The following IGSF21 variants were observed in gnomAD, a reference collection of about 807,000 sequenced individuals.
The protein encoded by IGSF21 is immunoglobulin superfamily member 21.
In IGSF21, 28 loss-of-function variants were observed where a neutral mutation model predicts 46.8. The ratio of observed to expected loss-of-function variants is 0.60; its 90% CI spans 0.44 to 0.82. IGSF21 has a LOEUF of 0.82. IGSF21 is among the 40% of genes least tolerant of loss of function. The pLI is 0.00. For missense variants in IGSF21, 624 were observed against 665.5 expected, an observed-to-expected ratio of 0.94 and a Z score of 0.69; for synonymous variants, 284 against 273.6, an observed-to-expected ratio of 1.04 and a Z score of -0.38.
intron 3 of IGSF21, among the ~76,000 whole-genome samples, chr1:18,304,730 T>TACACACAC (rs59328124): frequency 3.1e-5 from 4 of 128,384 alleles, no homozygotes; most frequent in Admixed American, 1.5e-4. Context: ...CACACACACA[T>TACACACAC]ACACACACAC....
At chr1:18,324,407 G>A (rs903822907) in intron 3 of IGSF21, among the ~76,000 whole-genome samples, 3 of 152,232 alleles carry the variant, frequency 2.0e-5, no homozygotes, top group Non-Finnish European at 2.9e-5. Context: ...CATAGGCTTT[G>A]TAACAAGATG....
At chr1:18,296,493 G>GA (rs1289567023) in intron 3 of IGSF21, among the ~76,000 whole-genome samples, 1 of 152,148 alleles carries the variant, frequency 6.6e-6, no homozygotes, top group Admixed American at 6.6e-5. Context: ...GTAAACTGGG[G>GA]ACACTCAGCA....
chr1:18,320,380 C>T (rs531672561), intron 3 of IGSF21, among the ~76,000 whole-genome samples: 8 of 152,322 alleles, frequency 5.3e-5, no homozygotes, highest in African/African-American at 1.9e-4. Context: ...TAAGAGAACC[C>T]AGATTGAAGG....
At chr1:18,150,097 A>G (rs1293296934) in intron 1 of IGSF21, among the ~76,000 whole-genome samples, 1 of 152,058 alleles carries the variant, frequency 6.6e-6, no homozygotes, top group African/African-American at 2.4e-5. Context: ...CTGCAAAACA[A>G]AAAATTAGCC....
chr1:18,266,865 C>T (rs573287281), intron 2 of IGSF21, among the ~76,000 whole-genome samples: 63 of 152,302 alleles, frequency 4.1e-4, no homozygotes, highest in African/African-American at 1.5e-3. Context: ...CAAGAGGGAC[C>T]ACCTGAGAGT....
chr1:18,163,983 T>C (rs1290516268), intron 1 of IGSF21, among the ~76,000 whole-genome samples: 1 of 152,230 alleles, frequency 6.6e-6, no homozygotes, highest in East Asian at 1.9e-4. Flanking sequence ...ACTGATTTGG[T>C]GAATTACTGG....
intron 4 of IGSF21, among the ~76,000 whole-genome samples, chr1:18,353,453 C>G (rs1454584451): frequency 6.6e-6 from 1 of 152,016 alleles, no homozygotes; most frequent in East Asian, 1.9e-4. Flanking sequence ...TGGGTGCGGC[C>G]GCAGGTAAGA....
chr1:18,369,959 T>C (rs991728378), intron 6 of IGSF21, among the ~76,000 whole-genome samples: 6 of 152,162 alleles, frequency 3.9e-5, no homozygotes, highest in Non-Finnish European at 7.3e-5. Flanking sequence ...TTCCCATTGA[T>C]CAAACCAGAA....
In IGSF21 at chr1:18,335,833, C is replaced by A. The variant is rs1032784238; in HGVS notation, c.424+823C>A. Among the ~76,000 whole-genome samples the A allele has an allele frequency of 6.6e-6, 1 of 152,188 alleles. No individual in the cohort carries two copies. The highest frequency in any genetic ancestry group is 6.5e-5 in the Admixed American group (1 of 15,278). On this transcript the variant is annotated intron_variant, in intron 4 of 9. Coordinates refer to ENST00000251296, the MANE Select transcript of IGSF21 (RefSeq NM_032880.5). This position sits in a 1 kb window ranked among gnomAD's most constrained non-coding sequence, Gnocchi z 4.8. ...AAATTGAAAACCTCCAAAGGCCAGA[C>A]CTCCAGAGGGACATTGATTCCTGCA...
chr1:18,135,714 A>G (rs966546046), intron 1 of IGSF21, among the ~76,000 whole-genome samples: 1 of 152,222 alleles, frequency 6.6e-6, no homozygotes, highest in East Asian at 1.9e-4. Context: ...TAGTGCCGCA[A>G]TAAATATACG....
chr1:18,122,959 TGTGA>T (rs1193574620), intron 1 of IGSF21, among the ~76,000 whole-genome samples: 2 of 152,154 alleles, frequency 1.3e-5, no homozygotes, highest in Non-Finnish European at 2.9e-5. Flanking sequence ...AAGATAAATA[TGTGA>T]GTATTTGAAA....
chr1:18,307,884 ACCCCAGG>A (rs377330271), intron 3 of IGSF21, among the ~76,000 whole-genome samples: 401 of 152,174 alleles, frequency 2.6e-3, no homozygotes, highest in African/African-American at 9.0e-3. Context: ...GGAGGGCTCG[ACCCCAGG>A]CCCTTGCTCA....
In IGSF21 at chr1:18,288,138, T is replaced by G. The variant is rs572976758; in HGVS notation, c.184-3728T>G. On this transcript the variant is annotated intron_variant, in intron 2 of 9. Transcript: ENST00000251296. ...GACTAGGGGAGGTGGAATGACTTCT[T>G]CAGAGCACAAAATTAGGAACCGAAA... 3.3e-5 allele frequency among the ~76,000 whole-genome samples: 5 copies of G among 152,244 alleles called. No individual in the cohort carries two copies. In the East Asian group the frequency reaches 9.7e-4, roughly 29 times the overall value.
chr1:18,300,102 A>C (rs1463588908), intron 3 of IGSF21, among the ~76,000 whole-genome samples: 1 of 152,178 alleles, frequency 6.6e-6, no homozygotes, highest in African/African-American at 2.4e-5. Context: ...ACTGAGCAAC[A>C]AGCCACCCAC....
At chr1:18,356,066 C>T (rs970235847) in intron 4 of IGSF21, among the ~76,000 whole-genome samples, 8 of 152,138 alleles carry the variant, frequency 5.3e-5, no homozygotes, top group Non-Finnish European at 1.0e-4. Context: ...AACTCCCGAC[C>T]TCACGTGATC....
chr1:18,170,700 G>T (rs1330158048), intron 1 of IGSF21, among the ~76,000 whole-genome samples: 1 of 152,022 alleles, frequency 6.6e-6, no homozygotes, highest in Non-Finnish European at 1.5e-5. Context: ...AACGTACACT[G>T]CCTGACTCTG....
At chr1:18,199,717 C>T (rs977366225) in intron 1 of IGSF21, among the ~76,000 whole-genome samples, 1 of 152,160 alleles carries the variant, frequency 6.6e-6, no homozygotes, top group Non-Finnish European at 1.5e-5. Flanking sequence ...CTCACCTCGG[C>T]TGCAAAGCTC....
intron 1 of IGSF21, among the ~76,000 whole-genome samples, chr1:18,134,453 T>C (rs2086350604): frequency 6.6e-6 from 1 of 152,188 alleles, no homozygotes. Flanking sequence ...CCAGCTTTGA[T>C]GCCAGCTCAT....
At position 18,336,862 on chromosome 1, in the gene IGSF21, G is replaced by A. The variant is rs187758374; in HGVS notation, c.424+1852G>A. ...CTAGGGAGGCCTCACAATCGCGGTG[G>A]AAGGTGAAAGACACATCTCACATGG... On this transcript the variant is annotated intron_variant, in intron 4 of 9. Transcript: ENST00000251296. 2.7e-3 allele frequency among the ~76,000 whole-genome samples: 416 copies of A among 152,340 alleles called. 1 individual carries two copies. The highest frequency in any genetic ancestry group is 9.2e-3 in the African/African-American group (382 of 41,576).
Sources: gnomAD v4.1 joint callset for allele counts (sites outside exome capture counted in the v4.1 genomes callset) on GRCh38, gnomAD v4.1.1 for gene constraint, Gnocchi (gnomAD v3.1) non-coding constraint, MANE v1.5 for transcripts, NCBI Gene and HGNC (gene_info 2026-07-23, HGNC 2026-07-21) for gene names.